The following DCAF7 variants were observed in gnomAD, a reference collection of about 807,000 sequenced individuals.
The protein encoded by DCAF7 is DDB1- and CUL4-associated factor 7.
A neutral mutation model predicts 41.2 loss-of-function variants in DCAF7; 4 were observed. The ratio of observed to expected loss-of-function variants is 0.10; its 90% CI spans 0.05 to 0.22. The LOEUF (loss-of-function observed/expected upper bound fraction) is 0.22, where lower values mean the gene tolerates loss of function less well. DCAF7 is among the 10% of genes least tolerant of loss of function. DCAF7 has a pLI of 1.00. For synonymous variants in DCAF7, 143 were observed against 164.2 expected (o/e 0.87, Z 0.99); for missense variants, 131 against 443.2 (o/e 0.30, Z 6.32).
chr17:63,576,904 A>G (rs1217042897), intron 1 of DCAF7, among the ~76,000 whole-genome samples: 3 of 152,338 alleles, frequency 2.0e-5, no homozygotes, highest in Non-Finnish European at 2.9e-5. Context: ...ACAGAGTGAG[A>G]CCCTATCTCA....
intron 1 of DCAF7, among the ~76,000 whole-genome samples, chr17:63,572,189 G>A (rs2033514785): frequency 1.3e-5 from 2 of 152,192 alleles, no homozygotes; most frequent in Admixed American, 1.3e-4. Context: ...TCTATGTAGA[G>A]CTGTTACATA....
At chr17:63,584,322 G>A (rs1021362029) in intron 5 of DCAF7, among the ~76,000 whole-genome samples, 12 of 152,164 alleles carry the variant, frequency 7.9e-5, no homozygotes, top group African/African-American at 2.9e-4. Flanking sequence ...ACAAAAATTA[G>A]CTGGGTGTGG....
At chr17:63,568,023 A>ATTGTTT (rs2033463282) in intron 1 of DCAF7, among the ~76,000 whole-genome samples, 1 of 145,752 alleles carries the variant, frequency 6.9e-6, no homozygotes, top group Non-Finnish European at 1.5e-5. Flanking sequence ...TTGTTTTGTT[A>ATTGTTT]TTGTTTTTGT....
chr17:63,578,267 G>A (rs2033584124), intron 1 of DCAF7, among the ~76,000 whole-genome samples: 2 of 152,184 alleles, frequency 1.3e-5, no homozygotes, highest in Admixed American at 1.3e-4. Flanking sequence ...GAGAGGCTGA[G>A]GTGGAAGGAT....
At chr17:63,578,407 G>A (rs2033585610) in intron 1 of DCAF7, 63 bp from the exon 2 acceptor site, 1 of 1,602,070 alleles carries the variant, frequency 6.2e-7, no homozygotes, top group South Asian at 1.1e-5. Context: ...ACTGACCAGG[G>A]ATCTAATGTA....
In DCAF7 at chr17:63,557,364, C is replaced by G. The variant is rs184399582; in HGVS notation, c.138+6549C>G. 9.9e-4 allele frequency among the ~76,000 whole-genome samples: 151 copies of G among 152,146 alleles called. 1 individual carries two copies. The highest frequency in any genetic ancestry group is 3.5e-3 in the African/African-American group (144 of 41,502). On this transcript the variant is annotated intron_variant, in intron 1 of 6. Transcript: ENST00000614556. Reference sequence around the variant, plus strand: ...AGCCACATTGGAAACAGAATAAAGGCTGGGCACAGTGGTTCACTCCTGTAA... The same window carrying G: ...AGCCACATTGGAAACAGAATAAAGGGTGGGCACAGTGGTTCACTCCTGTAA...
rs1380393645 is a variant in DCAF7, at chr17:63,591,655, G to T, written c.*2483G>T. On this transcript the variant is annotated 3_prime_UTR_variant, in exon 7 of 7. Transcript: ENST00000614556. ...GAGGAGGGGATTTCTACAGTCTCAG[G>T]ATTTAGAAAGTCTGTAAGCCATCCA... The T allele has an allele frequency of 2.6e-5, 4 of 152,186 alleles. No homozygotes were observed. Among genetic ancestry groups the T allele is most frequent in the African/African-American group, 4.8e-5 (2 of 41,436 alleles). The allele number at this position is 152,186 out of a possible 1,614,324, so 9.4% of individuals were successfully genotyped here.
At chr17:63,561,938 AG>A (rs2033386256) in intron 1 of DCAF7, among the ~76,000 whole-genome samples, 1 of 149,638 alleles carries the variant, frequency 6.7e-6, no homozygotes, top group Non-Finnish European at 1.5e-5. Context: ...AAGTCATATA[AG>A]GGGTAAAGGA....
chr17:63,562,437 A>G (rs868020622), intron 1 of DCAF7, among the ~76,000 whole-genome samples: 50 of 152,360 alleles, frequency 3.3e-4, no homozygotes, highest in African/African-American at 1.2e-3. Flanking sequence ...GGCAGATTCT[A>G]TAGTACATAC....
intron 1 of DCAF7, among the ~76,000 whole-genome samples, chr17:63,559,405 A>G (rs1272951960): frequency 1.0e-5 from 1 of 95,828 alleles, no homozygotes; most frequent in South Asian, 2.6e-4. Flanking sequence ...ATATGTATAT[A>G]TATGTATATA....
At chr17:63,568,271 GA>G (rs2033466733) in intron 1 of DCAF7, among the ~76,000 whole-genome samples, 2 of 152,128 alleles carry the variant, frequency 1.3e-5, no homozygotes, top group Non-Finnish European at 2.9e-5. Context: ...AAAGTGCTGG[GA>G]TTACAAGAGT....
chr17:63,574,866 G>C (rs1281337053), intron 1 of DCAF7, among the ~76,000 whole-genome samples: 1 of 151,858 alleles, frequency 6.6e-6, no homozygotes, highest in East Asian at 1.9e-4. Context: ...CCAGCTACTT[G>C]GGAGGCTGAG....
chr17:63,552,964 C>A (rs1337538324), intron 1 of DCAF7, among the ~76,000 whole-genome samples: 1 of 152,178 alleles, frequency 6.6e-6, no homozygotes, highest in Non-Finnish European at 1.5e-5. Flanking sequence ...GTCTTAAAAT[C>A]ATTTTTGTGC....
chr17:63,588,189 A>ATTTTGTTTTTTTTTTTTTTTT (rs2033697479), intron 6 of DCAF7, among the ~76,000 whole-genome samples: 1 of 120,262 alleles, frequency 8.3e-6, no homozygotes, highest in African/African-American at 3.9e-5. Context: ...ATTTTCTTGG[A>ATTTTGTTTTTTTTTTTTTTTT]TTTTTTTTTT....
At chr17:63,560,797 A>G (rs1431989571) in intron 1 of DCAF7, among the ~76,000 whole-genome samples, 1 of 152,256 alleles carries the variant, frequency 6.6e-6, no homozygotes, top group Admixed American at 6.5e-5. Context: ...AGGAATAAAC[A>G]GAAAGGAATG....
intron 1 of DCAF7, among the ~76,000 whole-genome samples, chr17:63,575,666 T>G (rs1429376993): frequency 6.6e-6 from 1 of 152,094 alleles, no homozygotes; most frequent in Admixed American, 6.5e-5. Context: ...CCAGCTTGGG[T>G]GCTAGAGCGA....
chr17:63,571,723 C>T (rs1205704250), intron 1 of DCAF7, among the ~76,000 whole-genome samples: 1 of 151,942 alleles, frequency 6.6e-6, no homozygotes, highest in Non-Finnish European at 1.5e-5. Context: ...AAGGAAAGAT[C>T]GAATCTCAGC....
chr17:63,575,969 A>G (rs2033557610), intron 1 of DCAF7, among the ~76,000 whole-genome samples: 1 of 152,246 alleles, frequency 6.6e-6, no homozygotes, highest in African/African-American at 2.4e-5. Context: ...AGCTACTATA[A>G]TCAAGACAGT....
intron 1 of DCAF7, among the ~76,000 whole-genome samples, chr17:63,560,500 C>T (rs912882896): frequency 3.9e-5 from 6 of 151,912 alleles, no homozygotes; most frequent in African/African-American, 9.7e-5. Context: ...AATAAATATT[C>T]GGTGGAAAAA....
Sources: gnomAD v4.1 joint callset for allele counts (sites outside exome capture counted in the v4.1 genomes callset) on GRCh38, gnomAD v4.1.1 for gene constraint, MANE v1.5 for transcripts, NCBI Gene and HGNC (gene_info 2026-07-23, HGNC 2026-07-21) for gene names.